SLCO1B3: variants seen among roughly 807,000 people sequenced by gnomAD.
SLCO1B3 encodes the protein liver-specific organic anion transporter 2.
Under a neutral mutation model 71.8 loss-of-function variants are expected in SLCO1B3, and 72 were observed. The observed-to-expected ratio is 1.00, with a 90% confidence interval of 0.83 to 1.22. The LOEUF (loss-of-function observed/expected upper bound fraction) is 1.22, where lower values mean the gene tolerates loss of function less well. Ranked by LOEUF, SLCO1B3 falls within the 50% of genes most tolerant of loss-of-function variation. The pLI is 0.00. For synonymous variants in SLCO1B3, 298 were observed against 278.4 expected, an observed-to-expected ratio of 1.07 and a Z score of -0.70; for missense variants, 911 against 819.7, an observed-to-expected ratio of 1.11 and a Z score of -1.36.
intron 9 of SLCO1B3, 52 bp downstream of exon 9, chr12:20,875,529 G>A (rs779597759): frequency 1.2e-5 from 18 of 1,536,704 alleles, no homozygotes; most frequent in Admixed American, 4.3e-5. Context: ...TCAATGAAAC[G>A]GAGAAGTGAG....
intron 3 of SLCO1B3, among the ~76,000 whole-genome samples, chr12:20,844,362 T>C (rs1215787996): frequency 6.6e-6 from 1 of 151,674 alleles, no homozygotes; most frequent in Non-Finnish European, 1.5e-5. Context: ...AGGTTGGGAG[T>C]TCAGGACCAG....
chr12:20,830,255 C>G (rs1466981136), intron 3 of SLCO1B3, among the ~76,000 whole-genome samples: 2 of 152,090 alleles, frequency 1.3e-5, no homozygotes, highest in Non-Finnish European at 2.9e-5. Flanking sequence ...ATTTGTAAAT[C>G]AAAAGGTATG....
intron 15 of SLCO1B3, among the ~76,000 whole-genome samples, chr12:20,914,678 A>T (rs1866457556): frequency 6.6e-6 from 1 of 152,052 alleles, no homozygotes; most frequent in African/African-American, 2.4e-5. Context: ...TTCTTTTAAG[A>T]TTTCTTGCAA....
intron 6 of SLCO1B3, 72 bp downstream of exon 6, chr12:20,861,210 A>G: frequency 3.8e-6 from 5 of 1,319,700 alleles, no homozygotes; most frequent in Non-Finnish European, 3.1e-6. Context: ...AGTTTCTGAT[A>G]TTCTTTAACA....
intron 15 of SLCO1B3, among the ~76,000 whole-genome samples, chr12:20,904,557 C>T (rs1367650009): frequency 3.3e-5 from 5 of 151,962 alleles, no homozygotes; most frequent in Non-Finnish European, 7.4e-5. Flanking sequence ...TTTCCAGGCA[C>T]ACAGTGCAAG....
chr12:20,876,777 G>T (rs536627266), intron 9 of SLCO1B3, among the ~76,000 whole-genome samples: 1 of 152,158 alleles, frequency 6.6e-6, no homozygotes, highest in African/African-American at 2.4e-5. Flanking sequence ...AGCGTATCAA[G>T]GATTTTTTAT....
At chr12:20,912,495 AT>A (rs34721125) in intron 15 of SLCO1B3, among the ~76,000 whole-genome samples, 101,265 of 118,820 alleles carry the variant, frequency 0.85, 43,561 homozygotes, top group Non-Finnish European at 0.92. Flanking sequence ...CACCTGGCTA[AT>A]TTTTTTTTTT....
At position 20,879,755 on chromosome 12, in the gene SLCO1B3, A is replaced by G. The variant is rs1221226851; in HGVS notation, c.1331+124A>G. 2.0e-5 allele frequency: 14 copies of G among 706,992 alleles called. No individual in the cohort carries two copies. The Middle Eastern group carries it at 2.1e-3, about 108-fold the overall frequency. 43.8% of individuals were successfully genotyped at this position (706,992 alleles called of 1,614,324 possible). A position where few individuals can be genotyped will look rare whatever the true frequency, so the allele number is the denominator to read the frequency against. On this transcript the variant is annotated intron_variant, in intron 11 of 15. Coordinates refer to ENST00000381545, the MANE Select transcript of SLCO1B3 (RefSeq NM_019844.4). ...TTTATTTTAATTGAGAGAAATTTCA[A>G]TTTTCAAATTCTTAAAATGTCCATT...
intron 10 of SLCO1B3, among the ~76,000 whole-genome samples, chr12:20,879,000 A>G (rs1313068482): frequency 6.6e-6 from 1 of 152,158 alleles, no homozygotes; most frequent in Admixed American, 6.6e-5. Context: ...TCTCAGAGAA[A>G]GAAAGATTTT....
intron 15 of SLCO1B3, among the ~76,000 whole-genome samples, chr12:20,908,015 T>C (rs941153428): frequency 6.6e-6 from 1 of 152,204 alleles, no homozygotes; most frequent in Non-Finnish European, 1.5e-5. Context: ...ACTTTAGTTA[T>C]GTTAGTTTCA....
intron 13 of SLCO1B3, among the ~76,000 whole-genome samples, chr12:20,895,647 C>T (rs1168702111): frequency 6.6e-6 from 1 of 152,090 alleles, no homozygotes; most frequent in Admixed American, 6.6e-5. Flanking sequence ...CGTTGAGAGT[C>T]TGCAGCTTTT....
chr12:20,866,490 A>G (rs1300041847), intron 8 of SLCO1B3, among the ~76,000 whole-genome samples: 1 of 152,170 alleles, frequency 6.6e-6, no homozygotes, highest in East Asian at 1.9e-4. Flanking sequence ...TGAAGTCATT[A>G]TATGAAAACT....
At chr12:20,864,079 T>C (rs1384349281) in intron 8 of SLCO1B3, among the ~76,000 whole-genome samples, 1 of 152,156 alleles carries the variant, frequency 6.6e-6, no homozygotes, top group Non-Finnish European at 1.5e-5. Context: ...ACTGACTGAA[T>C]TACTATGCCC....
chr12:20,913,929 TTTTG>T (rs1323555103), intron 15 of SLCO1B3, among the ~76,000 whole-genome samples: 3 of 152,108 alleles, frequency 2.0e-5, no homozygotes, highest in Admixed American at 6.5e-5. Flanking sequence ...TTTTTTGATT[TTTTG>T]TTTGTTTGTT....
At chr12:20,844,042 A>G (rs1864856298) in intron 3 of SLCO1B3, among the ~76,000 whole-genome samples, 1 of 151,890 alleles carries the variant, frequency 6.6e-6, no homozygotes, top group African/African-American at 2.4e-5. Flanking sequence ...TCAACTTATT[A>G]TACTCCTTTT....
rs140720265 is a variant in SLCO1B3, at chr12:20,836,715, C to T, written c.85-18313C>T. Reference sequence around the variant, plus strand: ...GGAGTGCAGTGGTGCTGTCTCAGCTCACTGCAACCTCTGCCTCCCTGGTTC... The same window carrying T: ...GGAGTGCAGTGGTGCTGTCTCAGCTTACTGCAACCTCTGCCTCCCTGGTTC... On this transcript the variant is annotated intron_variant, in intron 3 of 15. Coordinates refer to ENST00000381545, the MANE Select transcript of SLCO1B3 (RefSeq NM_019844.4). 7.0e-3 allele frequency among the ~76,000 whole-genome samples: 1,068 copies of T among 152,220 alleles called. 6 individuals carry two copies. Among genetic ancestry groups the T allele is most frequent in the Non-Finnish European group, 0.012 (848 of 68,008 alleles).
chr12:20,880,795 CT>C, intron 11 of SLCO1B3, 59 bp from the exon 12 acceptor site: 1 of 1,217,350 alleles, frequency 8.2e-7, no homozygotes, highest in Non-Finnish European at 1.1e-6. Flanking sequence ...TCTCCCTCTT[CT>C]GCTCTTTCTC....
intron 7 of SLCO1B3, 68 bp downstream of exon 7, chr12:20,862,626 A>T: frequency 6.7e-7 from 1 of 1,496,398 alleles, no homozygotes. Flanking sequence ...TAATAATGTC[A>T]TTATTTTTTT....
At chr12:20,857,425 AT>A (rs1339135478) in intron 4 of SLCO1B3, among the ~76,000 whole-genome samples, 11 of 151,584 alleles carry the variant, frequency 7.3e-5, no homozygotes, top group Admixed American at 7.2e-4. Flanking sequence ...TTCCTTTAAA[AT>A]TTTTTCCTCT....
Sources: allele counts gnomAD v4.1 joint callset (sites outside exome capture counted in the v4.1 genomes callset), GRCh38; gene constraint gnomAD v4.1.1; transcripts MANE v1.5; gene names NCBI Gene and HGNC (gene_info 2026-07-23, HGNC 2026-07-21).